Variants in ADGRB3 observed in about 807,000 individuals in gnomAD.
The protein encoded by ADGRB3 is brain-specific angiogenesis inhibitor 3.
ADGRB3 carries 37 observed loss-of-function variants against 193.4 expected under a neutral mutation model. That is an observed-to-expected ratio of 0.19 (90% confidence interval 0.15 to 0.25). ADGRB3 has a LOEUF of 0.25. ADGRB3 is among the 10% of genes least tolerant of loss of function. ADGRB3 has a pLI of 1.00. For synonymous variants in ADGRB3, 690 were observed against 644.2 expected (o/e 1.07, Z -1.08); for missense variants, 1,637 against 1,852.9 (o/e 0.88, Z 2.14).
At chr6:69,180,756 A>G (rs1308966757) in intron 17 of ADGRB3, among the ~76,000 whole-genome samples, 1 of 152,108 alleles carries the variant, frequency 6.6e-6, no homozygotes, top group Non-Finnish European at 1.5e-5. Flanking sequence ...GCTGCTTTCC[A>G]CAGTTCTGGC....
Position 68,993,926 on chromosome 6 carries a change from A to G in ADGRB3, c.1893A>G (p.Lys631=). ...TGAGAAATGTGACAGACACATTTAA[A>G]AGGGCAAGTTACATCCCTGCATCTG... ...EILRNVTDTF[K]RASYIPASDG... is the part of the protein sequence containing the mutation. The change falls in exon 11 of 32, where the codon AAA becomes AAG. Residue 631 remains lysine, a synonymous_variant. Coordinates refer to ENST00000370598, the MANE Select transcript of ADGRB3 (RefSeq NM_001704.3). The G allele has an allele frequency of 6.2e-7, 1 of 1,613,892 alleles. No homozygotes were observed. The highest frequency in any genetic ancestry group is 8.5e-7 in the Non-Finnish European group (1 of 1,179,822).
intron 8 of ADGRB3, among the ~76,000 whole-genome samples, chr6:68,967,059 C>T (rs979867422): frequency 5.3e-5 from 8 of 152,188 alleles, no homozygotes; most frequent in Admixed American, 2.6e-4. Context: ...GACATTACTA[C>T]TAAAAAGCTG....
At chr6:69,352,826 C>A (rs925614076) in intron 26 of ADGRB3, among the ~76,000 whole-genome samples, 4 of 152,154 alleles carry the variant, frequency 2.6e-5, no homozygotes, top group African/African-American at 9.7e-5. Context: ...TATCTCACAT[C>A]AAAATGGTGA....
intron 29 of ADGRB3, among the ~76,000 whole-genome samples, chr6:69,370,977 GCTGGGCTCAATGC>G (rs1769695361): frequency 6.6e-6 from 1 of 152,056 alleles, no homozygotes; most frequent in Non-Finnish European, 1.5e-5. Flanking sequence ...GCAAAAGAGG[GCTGGGCTCAATGC>G]CTGGATGTCA....
chr6:68,953,605 T>G (rs1206283800), intron 6 of ADGRB3, among the ~76,000 whole-genome samples: 3 of 152,226 alleles, frequency 2.0e-5, no homozygotes, highest in Admixed American at 6.5e-5. Flanking sequence ...GAATTTTCTT[T>G]TTAGTCTGGA....
intron 3 of ADGRB3, among the ~76,000 whole-genome samples, chr6:68,771,890 A>T (rs552548335): frequency 6.6e-6 from 1 of 152,110 alleles, no homozygotes; most frequent in Non-Finnish European, 1.5e-5. Flanking sequence ...TCCAGGTTCA[A>T]TTGCAATCAG....
rs7743302 is a variant in ADGRB3 at position 69,104,371 on chromosome 6, G to T, written c.2480+28333G>T. Reference sequence around the variant, plus strand: ...TCCCTACAAAGGACATGAACTCATCGTTTTCTATGGCTGCATAGTATTCCA... The same window carrying T: ...TCCCTACAAAGGACATGAACTCATCTTTTTCTATGGCTGCATAGTATTCCA... On this transcript the variant is annotated intron_variant, in intron 17 of 31. Transcript: ENST00000370598. Among the ~76,000 whole-genome samples the T allele has an allele frequency of 3.5e-3, 533 of 151,058 alleles. 2 individuals are homozygous for T. Among genetic ancestry groups the T allele is most frequent in the Non-Finnish European group, 5.5e-3 (376 of 67,872 alleles).
At chr6:68,912,790 G>A (rs967998656) in intron 3 of ADGRB3, among the ~76,000 whole-genome samples, 1 of 152,098 alleles carries the variant, frequency 6.6e-6, no homozygotes, top group African/African-American at 2.4e-5. Context: ...AAGGGGTCAG[G>A]GAGTTCCCTT....
chr6:69,045,173 A>G (rs1431990693), intron 13 of ADGRB3, among the ~76,000 whole-genome samples: 4 of 152,158 alleles, frequency 2.6e-5, no homozygotes, highest in Non-Finnish European at 1.5e-5. Context: ...GAAGAAGGAA[A>G]GGGATTGAAG....
intron 23 of ADGRB3, among the ~76,000 whole-genome samples, chr6:69,331,246 A>G (rs1768722067): frequency 6.6e-6 from 1 of 152,186 alleles, no homozygotes; most frequent in Non-Finnish European, 1.5e-5. Flanking sequence ...AAACCACAAA[A>G]TAATTGTTTA....
At chr6:69,222,434 C>T (rs1765915545) in intron 17 of ADGRB3, among the ~76,000 whole-genome samples, 1 of 152,110 alleles carries the variant, frequency 6.6e-6, no homozygotes. Context: ...ACACTGGATC[C>T]CAGGTTAGGC....
At chr6:69,349,702 T>C (rs1431248392) in intron 26 of ADGRB3, among the ~76,000 whole-genome samples, 1 of 152,154 alleles carries the variant, frequency 6.6e-6, no homozygotes, top group Non-Finnish European at 1.5e-5. Context: ...CATAAGAAAC[T>C]CTTCTCCCCC....
At chr6:68,743,241 C>G (rs549817961) in intron 3 of ADGRB3, among the ~76,000 whole-genome samples, 1 of 152,110 alleles carries the variant, frequency 6.6e-6, no homozygotes, top group East Asian at 1.9e-4. Flanking sequence ...TCCTTCTCTT[C>G]TGGATCATTC....
chr6:69,180,522 A>G (rs1775551009), intron 17 of ADGRB3, among the ~76,000 whole-genome samples: 1 of 151,822 alleles, frequency 6.6e-6, no homozygotes, highest in African/African-American at 2.4e-5. Context: ...TAGTGCTCTG[A>G]ATGCCTGGAG....
chr6:69,358,753 A>C (rs1212333385), intron 28 of ADGRB3, among the ~76,000 whole-genome samples: 2 of 151,868 alleles, frequency 1.3e-5, no homozygotes, highest in East Asian at 3.9e-4. Flanking sequence ...TTCTCTCGAA[A>C]GTCCCATCAC....
chr6:68,660,785 G>A (rs1768611678), intron 3 of ADGRB3, among the ~76,000 whole-genome samples: 1 of 150,892 alleles, frequency 6.6e-6, no homozygotes. Flanking sequence ...TCAACAAATA[G>A]GATTGAGTTT....
chr6:68,880,221 C>T (rs748227474), intron 3 of ADGRB3, among the ~76,000 whole-genome samples: 1 of 152,080 alleles, frequency 6.6e-6, no homozygotes, highest in Non-Finnish European at 1.5e-5. Context: ...GTCAGCTGGG[C>T]AAGGGTGAAT....
At chr6:68,809,826 G>A (rs73745879) in intron 3 of ADGRB3, among the ~76,000 whole-genome samples, 4 of 152,010 alleles carry the variant, frequency 2.6e-5, no homozygotes, top group East Asian at 3.9e-4. Flanking sequence ...TCTCCAATAC[G>A]TAAAGCTGAA....
At chr6:68,885,171 A>T (rs1765873260) in intron 3 of ADGRB3, among the ~76,000 whole-genome samples, 1 of 152,068 alleles carries the variant, frequency 6.6e-6, no homozygotes, top group Non-Finnish European at 1.5e-5. Context: ...AAACTGGGAG[A>T]ATTTGAATGG....
Sources: allele counts gnomAD v4.1 joint callset (sites outside exome capture counted in the v4.1 genomes callset), GRCh38; gene constraint gnomAD v4.1.1; transcripts MANE v1.5; gene names NCBI Gene and HGNC (gene_info 2026-07-23, HGNC 2026-07-21).